MTSS1: variants seen among roughly 807,000 people sequenced by gnomAD.
The protein encoded by MTSS1 is MTSS I-BAR domain containing 1, also known as protein MTSS 1.
MTSS1 carries 18 observed loss-of-function variants against 79.0 expected under a neutral mutation model. That is an observed-to-expected ratio of 0.23 (90% confidence interval 0.16 to 0.34). The LOEUF is 0.34. Among genes scored for constraint, MTSS1 ranks in the 10% least tolerant of loss-of-function variants. The probability of loss-of-function intolerance (pLI) is 1.00; values close to 1 mark genes in which losing one functional copy is unlikely to be tolerated. For synonymous variants in MTSS1, 341 were observed against 368.6 expected, an observed-to-expected ratio of 0.93 and a Z score of 0.86; for missense variants, 815 against 986.2, an observed-to-expected ratio of 0.83 and a Z score of 2.33.
intron 3 of MTSS1, among the ~76,000 whole-genome samples, chr8:124,694,352 C>T (rs2382995): frequency 0.36 from 54,401 of 151,724 alleles, 10,486 homozygotes; most frequent in Non-Finnish European, 0.41. Context: ...TAATTACTTT[C>T]ATGGTTTTGA....
chr8:124,636,667 A>C lies in MTSS1; in HGVS notation c.209-45432T>G, dbSNP rs1377683053. On this transcript the variant is annotated intron_variant, in intron 3 of 13. Transcript: ENST00000518547. ...ATACTCCTGCTCAGGAAATGTACCC[A>C]GCTGTCCACTTAGAGGTACAGCTGA... Among the ~76,000 whole-genome samples the C allele has an allele frequency of 2.6e-5, 4 of 152,306 alleles. No individual in the cohort carries two copies. In the East Asian group the frequency reaches 7.7e-4, roughly 29 times the overall value.
intron 3 of MTSS1, among the ~76,000 whole-genome samples, chr8:124,668,535 C>T (rs1316911483): frequency 1.3e-5 from 2 of 152,202 alleles, no homozygotes; most frequent in Admixed American, 1.3e-4. Context: ...CCCAGTAGCC[C>T]CTTTGTGTCA....
At chr8:124,698,047 A>T (rs968929171) in intron 3 of MTSS1, 1 of 152,194 alleles carries the variant, frequency 6.6e-6, no homozygotes, top group African/African-American at 2.4e-5. Flanking sequence ...TTCTATGTTG[A>T]AATTCTTTAT....
chr8:124,667,515 A>G (rs1334253199), intron 3 of MTSS1, among the ~76,000 whole-genome samples: 1 of 152,040 alleles, frequency 6.6e-6, no homozygotes, highest in Non-Finnish European at 1.5e-5. Flanking sequence ...ATGGTGGTGC[A>G]TGCCTGTAAT....
intron 3 of MTSS1, among the ~76,000 whole-genome samples, chr8:124,602,816 G>C (rs752221372): frequency 2.0e-5 from 3 of 152,180 alleles, no homozygotes; most frequent in African/African-American, 7.2e-5. Context: ...GTGGAGAAAG[G>C]ACAGTGTTCC....
At chr8:124,612,678 C>T (rs935544262) in intron 3 of MTSS1, among the ~76,000 whole-genome samples, 7 of 149,996 alleles carry the variant, frequency 4.7e-5, no homozygotes, top group African/African-American at 1.7e-4. Context: ...CAAAGAAACA[C>T]AAGTGAACCT....
intron 3 of MTSS1, among the ~76,000 whole-genome samples, chr8:124,652,159 A>T (rs970281127): frequency 6.6e-6 from 1 of 152,206 alleles, no homozygotes; most frequent in Non-Finnish European, 1.5e-5. Context: ...CCAACTTCTT[A>T]GCCAGTAGAG....
At chr8:124,572,006 G>A (rs13260102) in intron 6 of MTSS1, among the ~76,000 whole-genome samples, 48,402 of 151,960 alleles carry the variant, frequency 0.32, 8,353 homozygotes, top group African/African-American at 0.44. Flanking sequence ...ATAACAGCCT[G>A]TGATTGTCAG....
rs181514537 is a variant in MTSS1 at position 124,666,574 on chromosome 8, C to T, written c.208+32952G>A. Among the ~76,000 whole-genome samples the T allele has an allele frequency of 1.8e-3, 269 of 152,306 alleles. 1 individual carries two copies. The highest frequency in any genetic ancestry group is 6.2e-3 in the African/African-American group (259 of 41,568). On this transcript the variant is annotated intron_variant, in intron 3 of 13. Transcript: ENST00000518547. ...GTTCGCCACCGGGATCCACAGACCC[C>T]TTGAAACTGAATGGAAAACTGAGTG...
In MTSS1 at chr8:124,597,823, G is replaced by C. The variant is rs549122471; in HGVS notation, c.209-6588C>G. On this transcript the variant is annotated intron_variant, in intron 3 of 13. Transcript: ENST00000518547. This position sits in a 1 kb window ranked among gnomAD's most constrained non-coding sequence, Gnocchi z 4.6. ...CTGTTCCCGAGAGCTGACATTGCTCGAAGGCTAATTAGGAGCCAGACAGAA... is the reference window on the plus strand; with the variant it reads ...CTGTTCCCGAGAGCTGACATTGCTCCAAGGCTAATTAGGAGCCAGACAGAA... 6.6e-6 allele frequency among the ~76,000 whole-genome samples: 1 copy of C among 152,184 alleles called. No homozygotes were observed. Among genetic ancestry groups the C allele is most frequent in the African/African-American group, 2.4e-5 (1 of 41,432 alleles).
chr8:124,592,970 A>G (rs1380561361), intron 3 of MTSS1, among the ~76,000 whole-genome samples: 1 of 152,198 alleles, frequency 6.6e-6, no homozygotes, highest in African/African-American at 2.4e-5. Context: ...AGTGCTGTAA[A>G]AGAACCCAAG....
chr8:124,726,570 T>G (rs1833723324), intron 1 of MTSS1, among the ~76,000 whole-genome samples: 1 of 152,232 alleles, frequency 6.6e-6, no homozygotes, highest in South Asian at 2.1e-4. Context: ...CAGAGGCAGC[T>G]TGATAAAGTT....
chr8:124,640,011 G>A (rs994672075), intron 3 of MTSS1, among the ~76,000 whole-genome samples: 8 of 152,196 alleles, frequency 5.3e-5, no homozygotes, highest in Admixed American at 3.3e-4. Flanking sequence ...CTATGTGAAA[G>A]GTGCTTTCAT....
intron 3 of MTSS1, among the ~76,000 whole-genome samples, chr8:124,647,738 T>C (rs1383657984): frequency 6.6e-6 from 1 of 152,232 alleles, no homozygotes; most frequent in Non-Finnish European, 1.5e-5. Flanking sequence ...AGCAAGGCAA[T>C]TCAAGTTCCT....
chr8:124,562,290 C>T (rs1825506364), intron 10 of MTSS1, among the ~76,000 whole-genome samples: 1 of 152,174 alleles, frequency 6.6e-6, no homozygotes, highest in African/African-American at 2.4e-5. Context: ...GAATTATGTG[C>T]AGAAGCTCTG....
At chr8:124,665,799 G>A (rs1389713682) in intron 3 of MTSS1, among the ~76,000 whole-genome samples, 3 of 151,510 alleles carry the variant, frequency 2.0e-5, no homozygotes, top group Admixed American at 6.6e-5. Flanking sequence ...CCCCGGAGGC[G>A]GAGGTTGTGG....
rs1823874749 is a variant in MTSS1 at position 124,556,649 on chromosome 8, C to A, written c.1231-244G>T. The A allele has an allele frequency of 5.6e-6, 3 of 532,106 alleles. No homozygotes were observed. In the South Asian group the frequency reaches 8.0e-5, roughly 14 times the overall value. The allele number at this position is 532,106 out of a possible 1,614,324, so 33.0% of individuals were successfully genotyped here. A position where few individuals can be genotyped will look rare whatever the true frequency, so the allele number is the denominator to read the frequency against. On this transcript the variant is annotated intron_variant, in intron 11 of 13. Coordinates refer to ENST00000518547, the MANE Select transcript of MTSS1 (RefSeq NM_014751.6). ...CTGCCCAAAGATTAAAAACCCTCAC[C>A]CACCAGGTGGCAGCAGGAGACCCGG... is the stretch of plus-strand genomic sequence containing the variant.
intron 3 of MTSS1, among the ~76,000 whole-genome samples, chr8:124,677,571 A>G (rs1217392434): frequency 2.0e-5 from 3 of 152,192 alleles, no homozygotes. Context: ...TTTAATAGTC[A>G]TTCTTAGCTC....
intron 6 of MTSS1, chr8:124,580,225 A>C (rs1417369526): frequency 1.0e-5 from 3 of 299,720 alleles, no homozygotes; most frequent in Non-Finnish European, 1.9e-5. Flanking sequence ...ATATGTATGC[A>C]AAAATGCTTA....
Sources: gnomAD v4.1 joint callset for allele counts (sites outside exome capture counted in the v4.1 genomes callset) on GRCh38, gnomAD v4.1.1 for gene constraint, Gnocchi (gnomAD v3.1) non-coding constraint, MANE v1.5 for transcripts, NCBI Gene and HGNC (gene_info 2026-07-23, HGNC 2026-07-21) for gene names.